SORBS2: variants seen among roughly 807,000 people sequenced by gnomAD.
The protein encoded by SORBS2 is sorbin and SH3 domain-containing protein 2.
SORBS2 carries 46 observed loss-of-function variants against 97.7 expected under a neutral mutation model. The ratio of observed to expected loss-of-function variants is 0.47; its 90% CI spans 0.37 to 0.60. The LOEUF is 0.60. Among genes scored for constraint, SORBS2 ranks in the 20% least tolerant of loss-of-function variants. The probability of loss-of-function intolerance (pLI) is 0.00; values close to 1 mark genes in which losing one functional copy is unlikely to be tolerated. For synonymous variants in SORBS2, 476 were observed against 473.4 expected, an observed-to-expected ratio of 1.01 and a Z score of -0.07; for missense variants, 1,316 against 1,282.3, an observed-to-expected ratio of 1.03 and a Z score of -0.40.
intron 2 of SORBS2, among the ~76,000 whole-genome samples, chr4:185,754,255 T>A (rs1214377776): frequency 6.6e-6 from 1 of 152,044 alleles, no homozygotes; most frequent in Non-Finnish European, 1.5e-5. Context: ...ATTGAGTACA[T>A]ATGGACACAA....
intron 1 of SORBS2, among the ~76,000 whole-genome samples, chr4:185,786,980 CA>C (rs57734265): frequency 0.02 from 1,998 of 100,228 alleles, 20 homozygotes; most frequent in Non-Finnish European, 0.026. Flanking sequence ...GGCTCTGTCT[CA>C]AAAAAAAAAA....
Position 185,763,241 on chromosome 4 carries a change from C to T in SORBS2, c.-198+11986G>A, listed in dbSNP as rs116346841. The stretch of plus-strand genomic sequence containing the variant: ...GCAGGTACAAGAAGATCACTCTGAC[C>T]TTCCTTCTGTTTCTGAAAAGCAGGA... On this transcript the variant is annotated intron_variant, in intron 2 of 20. Coordinates refer to the SORBS2 transcript ENST00000284776. 9.5e-3 allele frequency among the ~76,000 whole-genome samples: 1,441 copies of T among 152,130 alleles called. 31 individuals are homozygous for T. The highest frequency in any genetic ancestry group is 0.033 in the African/African-American group (1,381 of 41,492).
At chr4:185,685,417 T>C (rs924539087) in intron 2 of SORBS2, among the ~76,000 whole-genome samples, 10 of 152,244 alleles carry the variant, frequency 6.6e-5, no homozygotes, top group African/African-American at 2.4e-4. Flanking sequence ...GAAAGTCCAC[T>C]CTTCCTGTAG....
chr4:185,853,265 A>G (rs1214744195), intron 1 of SORBS2, among the ~76,000 whole-genome samples: 1 of 152,246 alleles, frequency 6.6e-6, no homozygotes, highest in Non-Finnish European at 1.5e-5. Context: ...GAAACATCAA[A>G]GCTAAAAGAA....
chr4:185,672,828 C>T (rs2153490038), intron 4 of SORBS2, among the ~76,000 whole-genome samples: 1 of 152,246 alleles, frequency 6.6e-6, no homozygotes, highest in Non-Finnish European at 1.5e-5. Flanking sequence ...GCTTACAGTG[C>T]TTGGCATTGG....
At chr4:185,792,101 C>G (rs1408752794) in intron 1 of SORBS2, among the ~76,000 whole-genome samples, 3 of 152,172 alleles carry the variant, frequency 2.0e-5, no homozygotes, top group Non-Finnish European at 1.5e-5. Context: ...CTTGTGGCAT[C>G]CTAGTTAGAT....
At chr4:185,898,672 GA>G (rs1222499291) in intron 1 of SORBS2, among the ~76,000 whole-genome samples, 2 of 152,088 alleles carry the variant, frequency 1.3e-5, no homozygotes, top group African/African-American at 4.8e-5. Context: ...TTACCTCTGG[GA>G]AAAAAATTGA....
At chr4:185,659,470 G>T (rs1479710127), upstream of SORBS2, among the ~76,000 whole-genome samples, 3 of 151,848 alleles carry the variant, frequency 2.0e-5, no homozygotes. Context: ...AGGCTGGAGT[G>T]CAGTGGCGCG....
intron 1 of SORBS2, among the ~76,000 whole-genome samples, chr4:185,924,491 A>G (rs2099262540): frequency 6.6e-6 from 1 of 152,232 alleles, no homozygotes; most frequent in Non-Finnish European, 1.5e-5. Context: ...ATGCAAATGT[A>G]CGCCATTAGA....
intron 2 of SORBS2, among the ~76,000 whole-genome samples, chr4:185,748,050 T>G (rs1364206545): frequency 6.6e-6 from 1 of 152,186 alleles, no homozygotes; most frequent in Non-Finnish European, 1.5e-5. Context: ...CTGGCTCATT[T>G]TAAGCTGTGC....
intron 12 of SORBS2, among the ~76,000 whole-genome samples, chr4:185,595,367 T>G (rs974995023): frequency 3.3e-5 from 5 of 152,206 alleles, no homozygotes; most frequent in African/African-American, 1.2e-4. Flanking sequence ...TATCTATTAT[T>G]AAAATTGGAA....
chr4:185,676,929 A>T, intron 4 of SORBS2: 1 of 1,356,060 alleles, frequency 7.4e-7, no homozygotes, highest in Non-Finnish European at 1.0e-6. Context: ...AAGAAGCCCA[A>T]ACCAAAGGAG....
chr4:185,699,233 T>C (rs954458417), intron 2 of SORBS2, among the ~76,000 whole-genome samples: 1 of 151,344 alleles, frequency 6.6e-6, no homozygotes, highest in East Asian at 1.9e-4. Flanking sequence ...CTTATAGTCT[T>C]AAAATTTAAG....
intron 1 of SORBS2, among the ~76,000 whole-genome samples, chr4:185,932,279 T>C (rs2099266887): frequency 6.6e-6 from 1 of 151,682 alleles, no homozygotes; most frequent in South Asian, 2.1e-4. Flanking sequence ...TCCCCTGATA[T>C]ACTGAAGAAA....
At chr4:185,917,729 G>A (rs763145852) in intron 1 of SORBS2, among the ~76,000 whole-genome samples, 8 of 152,040 alleles carry the variant, frequency 5.3e-5, no homozygotes, top group Admixed American at 2.6e-4. Context: ...TTCAACCTGC[G>A]GGATCTGACA....
At chr4:185,589,353 G>A in intron 14 of SORBS2, 1 of 288,534 alleles carries the variant, frequency 3.5e-6, no homozygotes, top group East Asian at 8.5e-5. Context: ...ACAGCACAGA[G>A]CGTTGATATT....
chr4:185,682,875 A>G (rs1030523739), intron 2 of SORBS2, among the ~76,000 whole-genome samples: 17 of 151,962 alleles, frequency 1.1e-4, no homozygotes, highest in Middle Eastern at 3.2e-3. Context: ...TTAGCCAGGC[A>G]TGGTGGCAGG....
intron 12 of SORBS2, among the ~76,000 whole-genome samples, chr4:185,596,172 A>G (rs1580526609): frequency 6.6e-6 from 1 of 152,340 alleles, no homozygotes; most frequent in Admixed American, 6.5e-5. Flanking sequence ...CCATTTTAAT[A>G]TTTTAAAATT....
At chr4:185,657,138 A>AAAAC (rs967513656), upstream of SORBS2, 75 of 318,924 alleles carry the variant, frequency 2.4e-4, no homozygotes, top group South Asian at 2.1e-3. Flanking sequence ...AGGTAAAAGA[A>AAAAC]AAACAAACAA....
Sources: allele counts gnomAD v4.1 joint callset (sites outside exome capture counted in the v4.1 genomes callset), GRCh38; gene constraint gnomAD v4.1.1; transcripts MANE v1.5; gene names NCBI Gene and HGNC (gene_info 2026-07-23, HGNC 2026-07-21).